Variants in ZSCAN25 observed in about 807,000 individuals in gnomAD.
ZSCAN25 encodes the protein zinc finger and SCAN domain containing 25.
In ZSCAN25, 27 loss-of-function variants were observed where a neutral mutation model predicts 38.7. That is an observed-to-expected ratio of 0.70 (90% CI 0.51 to 0.96). The LOEUF (loss-of-function observed/expected upper bound fraction) is 0.96, where lower values mean the gene tolerates loss of function less well. Among genes scored for constraint, ZSCAN25 ranks in the 40% least tolerant of loss-of-function variants. ZSCAN25 has a pLI of 0.00. For missense variants in ZSCAN25, 637 were observed against 705.9 expected (o/e 0.90, Z 1.11); for synonymous variants, 273 against 277.7 (o/e 0.98, Z 0.17).
At chr7:99,685,279 A>G in the ZSCAN25 span, 9 of 1,611,002 alleles carry the variant, frequency 5.6e-6, no homozygotes, top group Non-Finnish European at 7.6e-6. Context: ...TAAATAAAGC[A>G]AAATTAGAAA....
chr7:99,714,489 T>A, the ZSCAN25 span: 4 of 1,598,242 alleles, frequency 2.5e-6, no homozygotes, highest in Non-Finnish European at 3.4e-6. Context: ...AGTGCACCGA[T>A]CATATGTATA....
the ZSCAN25 span, among the ~76,000 whole-genome samples, chr7:99,687,392 T>C: frequency 1.3e-5 from 2 of 152,148 alleles, no homozygotes; most frequent in Admixed American, 1.3e-4. Context: ...CCTCAGGAGC[T>C]GATGCGATCA....
chr7:99,709,728 T>C, the ZSCAN25 span, among the ~76,000 whole-genome samples: 2 of 152,182 alleles, frequency 1.3e-5, no homozygotes, highest in Non-Finnish European at 2.9e-5. Flanking sequence ...CTTTTTGTTA[T>C]ATATACAAAC....
At chr7:99,723,921 G>T in the ZSCAN25 span, among the ~76,000 whole-genome samples, 2 of 152,176 alleles carry the variant, frequency 1.3e-5, no homozygotes, top group Non-Finnish European at 2.9e-5. Context: ...CACCTGCCTG[G>T]TTATTCACCC....
Position 99,631,512 on chromosome 7 carries a change from T to G in ZSCAN25, c.*1492T>G, listed in dbSNP as rs1166303193. ...CTGCTGTGTCATTGTGCTGTGCCTT[T>G]GAACCCTGGCTGAGTGAGTGAGTTT... On this transcript the variant is annotated 3_prime_UTR_variant, in exon 8 of 8. Transcript: ENST00000394152. 1 of 985,476 alleles carries G rather than the reference T, an allele frequency of 1.0e-6. No homozygotes were observed. Among genetic ancestry groups the G allele is most frequent in the African/African-American group, 1.7e-5 (1 of 57,256 alleles). 61.0% of individuals were successfully genotyped at this position (985,476 alleles called of 1,614,324 possible).
At chr7:99,710,453 A>T in the ZSCAN25 span, among the ~76,000 whole-genome samples, 1 of 152,206 alleles carries the variant, frequency 6.6e-6, no homozygotes, top group Non-Finnish European at 1.5e-5. Flanking sequence ...GCATATTGTT[A>T]AATGCCAGGG....
At chr7:99,687,901 A>G in the ZSCAN25 span, among the ~76,000 whole-genome samples, 1 of 152,216 alleles carries the variant, frequency 6.6e-6, no homozygotes, top group Non-Finnish European at 1.5e-5. Flanking sequence ...TCAACCCAGA[A>G]TCTCATATCC....
At chr7:99,638,916 G>A in the ZSCAN25 span, 2 of 528,702 alleles carry the variant, frequency 3.8e-6, no homozygotes, top group East Asian at 3.2e-5. Context: ...CAGGCCTGTC[G>A]CTCACTCGGG....
chr7:99,727,522 C>T, the ZSCAN25 span, among the ~76,000 whole-genome samples: 17 of 152,180 alleles, frequency 1.1e-4, no homozygotes, highest in Admixed American at 3.3e-4. Context: ...CCTGATACCA[C>T]ACCTTATCCC....
At chr7:99,701,358 T>G in the ZSCAN25 span, among the ~76,000 whole-genome samples, 1 of 152,252 alleles carries the variant, frequency 6.6e-6, no homozygotes, top group Admixed American at 6.5e-5. Flanking sequence ...CATCTGTTGA[T>G]GGACATGTAG....
At chr7:99,638,666 T>C in the ZSCAN25 span, 2 of 1,561,402 alleles carry the variant, frequency 1.3e-6, no homozygotes, top group Non-Finnish European at 1.8e-6. Context: ...TGGCCCAGCT[T>C]CAACATTTAC....
At chr7:99,722,248 C>G in the ZSCAN25 span, 11 of 1,611,826 alleles carry the variant, frequency 6.8e-6, no homozygotes, top group Non-Finnish European at 9.3e-6. Context: ...GTGGGGTAAA[C>G]TCATCATAGA....
the ZSCAN25 span, chr7:99,674,717 A>G: frequency 1.5e-6 from 1 of 646,894 alleles, no homozygotes. Flanking sequence ...GAAGGAAGCT[A>G]TTCAGAGATG....
downstream of ZSCAN25, among the ~76,000 whole-genome samples, chr7:99,632,986 G>GTTTT (rs201141594): frequency 2.1e-5 from 3 of 141,530 alleles, no homozygotes; most frequent in South Asian, 2.4e-4. Context: ...TGCATTTTCT[G>GTTTT]TTGTTTTTTT....
At chr7:99,674,388 C>T in the ZSCAN25 span, 4 of 565,514 alleles carry the variant, frequency 7.1e-6, no homozygotes, top group Non-Finnish European at 9.3e-6. Context: ...AAGTAATTAT[C>T]CTCTTCTTTC....
the ZSCAN25 span, among the ~76,000 whole-genome samples, chr7:99,706,267 C>T: frequency 6.6e-6 from 1 of 152,250 alleles, no homozygotes; most frequent in Admixed American, 6.5e-5. Context: ...TTCTGATCTC[C>T]ATGGAGTGAT....
At chr7:99,676,984 T>G in the ZSCAN25 span, among the ~76,000 whole-genome samples, 1 of 152,192 alleles carries the variant, frequency 6.6e-6, no homozygotes, top group Non-Finnish European at 1.5e-5. Flanking sequence ...CAGCAACTAA[T>G]ACTTCTCAGG....
the ZSCAN25 span, chr7:99,711,029 T>C: frequency 1.4e-6 from 2 of 1,439,502 alleles, no homozygotes; most frequent in Non-Finnish European, 1.9e-6. Flanking sequence ...TCACTGGGGG[T>C]GGTTTCACTC....
Position 99,619,654 on chromosome 7 carries a change from G to A in ZSCAN25, c.48G>A (p.Leu16=). 3 of 1,614,218 alleles carry A rather than the reference G, an allele frequency of 1.9e-6. No individual in the cohort carries two copies. The South Asian group carries it at 3.3e-5, about 18-fold the overall frequency. The part of the protein sequence containing the change: ...PEMAEAPQQQ[L]GIPVVKLEKE... Reference sequence around the variant, plus strand: ...TGGCGGAAGCTCCTCAGCAGCAGTTGGGTATTCCTGTGGTGAAACTGGAGA... The same window carrying A: ...TGGCGGAAGCTCCTCAGCAGCAGTTAGGTATTCCTGTGGTGAAACTGGAGA... The change falls in exon 4 of 8, where the codon TTG becomes TTA. Residue 16 remains leucine, a synonymous_variant. Transcript: ENST00000394152.
Sources: gnomAD v4.1 joint callset for allele counts (sites outside exome capture counted in the v4.1 genomes callset) on GRCh38, gnomAD v4.1.1 for gene constraint, MANE v1.5 for transcripts, NCBI Gene and HGNC (gene_info 2026-07-23, HGNC 2026-07-21) for gene names.